Variants in LIN7A observed in about 807,000 individuals in gnomAD.
LIN7A encodes protein lin-7 homolog A.
Under a neutral mutation model 29.8 loss-of-function variants are expected in LIN7A, and 25 were observed. The ratio of observed to expected loss-of-function variants is 0.84; its 90% CI spans 0.61 to 1.17. The LOEUF is 1.17. LIN7A is among the 50% of genes most tolerant of loss of function. The pLI is 0.00. For missense variants in LIN7A, 239 were observed against 287.0 expected (o/e 0.83, Z 1.21); for synonymous variants, 118 against 107.5 (o/e 1.10, Z -0.60).
intron 2 of LIN7A, among the ~76,000 whole-genome samples, chr12:80,851,660 A>G (rs1393295103): frequency 6.6e-6 from 1 of 152,188 alleles, no homozygotes; most frequent in Non-Finnish European, 1.5e-5. Flanking sequence ...AAGGGAAAAC[A>G]GAAAATAGTT....
At chr12:80,817,898 G>A (rs1871607617) in intron 4 of LIN7A, among the ~76,000 whole-genome samples, 1 of 152,024 alleles carries the variant, frequency 6.6e-6, no homozygotes. Flanking sequence ...TGTCATTTTT[G>A]TGTGATGCAA....
chr12:80,848,088 A>G, intron 3 of LIN7A, 163 bp downstream of exon 3: 1 of 697,268 alleles, frequency 1.4e-6, no homozygotes, highest in Non-Finnish European at 2.6e-6. Flanking sequence ...ATTTTCCATT[A>G]GGATTTTTAC....
chr12:80,886,157 C>A (rs1489641375), intron 2 of LIN7A, among the ~76,000 whole-genome samples: 1 of 151,684 alleles, frequency 6.6e-6, no homozygotes, highest in Non-Finnish European at 1.5e-5. Flanking sequence ...ACTCAGATAA[C>A]CACAAAGATT....
intron 2 of LIN7A, among the ~76,000 whole-genome samples, chr12:80,860,163 A>C (rs1207192141): frequency 1.3e-5 from 2 of 152,214 alleles, no homozygotes; most frequent in Non-Finnish European, 2.9e-5. Context: ...CTGAGTCAAA[A>C]GTATATGCAT....
intron 4 of LIN7A, among the ~76,000 whole-genome samples, chr12:80,844,652 T>C (rs1357760468): frequency 6.6e-6 from 1 of 152,128 alleles, no homozygotes; most frequent in Non-Finnish European, 1.5e-5. Flanking sequence ...CTGAAATGTA[T>C]GCTTTTAGGT....
intron 1 of LIN7A, among the ~76,000 whole-genome samples, chr12:80,927,155 CTTTTTTTTT>C (rs929026269): frequency 1.3e-5 from 1 of 75,532 alleles, no homozygotes; most frequent in Non-Finnish European, 2.3e-5. Flanking sequence ...TTTTCTTTTT[CTTTTTTTTT>C]TTTTTTTTTT....
rs895281211 is a variant in LIN7A at position 80,937,653 on chromosome 12, T to G, written c.70A>C (p.Thr24Pro). Residue 24 changes from threonine (T) to proline (P), a missense_variant, in exon 1 of 6, where the codon ACC becomes CCC. Coordinates refer to ENST00000552864, the MANE Select transcript of LIN7A (RefSeq NM_004664.4). ...MATLTVVQPLTLDRDVARAIE... is the reference protein window; with the variant it reads ...MATLTVVQPLPLDRDVARAIE... ...GCCGCTCCCTTACCTCTGTCCAGGG[T>G]GAGCGGCTGGACCACTGTCAATGTC... is the stretch of plus-strand genomic sequence containing the variant. 26 of 1,562,028 alleles carry G rather than the reference T, an allele frequency of 1.7e-5. No homozygotes were observed. The highest frequency in any genetic ancestry group is 2.1e-5 in the Non-Finnish European group (24 of 1,151,166).
intron 2 of LIN7A, among the ~76,000 whole-genome samples, chr12:80,860,031 A>T (rs970671762): frequency 6.6e-6 from 1 of 152,214 alleles, no homozygotes; most frequent in Admixed American, 6.5e-5. Context: ...TAATTCATTT[A>T]ATCAATCCTC....
At chr12:80,806,425 A>C (rs1870991943) in intron 5 of LIN7A, among the ~76,000 whole-genome samples, 1 of 152,194 alleles carries the variant, frequency 6.6e-6, no homozygotes, top group African/African-American at 2.4e-5. Flanking sequence ...ATTAAAAGTA[A>C]GCATAAGAGA....
chr12:80,858,827 T>C (rs758860803), intron 2 of LIN7A, among the ~76,000 whole-genome samples: 2 of 152,164 alleles, frequency 1.3e-5, no homozygotes, highest in Non-Finnish European at 2.9e-5. Flanking sequence ...AATTTACTAG[T>C]GTACTTAAAA....
intron 4 of LIN7A, chr12:80,841,833 G>A: frequency 1.1e-6 from 1 of 937,392 alleles, no homozygotes; most frequent in Non-Finnish European, 1.3e-6. Context: ...GAGCATAAAA[G>A]GGTGAAAAGG....
At chr12:80,820,591 G>C (rs1054865174) in intron 4 of LIN7A, among the ~76,000 whole-genome samples, 1 of 150,660 alleles carries the variant, frequency 6.6e-6, no homozygotes, top group African/African-American at 2.4e-5. Context: ...GCACCAAAAG[G>C]GGGGAAAAGT....
chr12:80,887,562 C>T (rs1343185384), intron 2 of LIN7A, among the ~76,000 whole-genome samples: 2 of 152,098 alleles, frequency 1.3e-5, no homozygotes, highest in African/African-American at 2.4e-5. Context: ...CTGCCTGGAA[C>T]ACTATGACCC....
chr12:80,819,773 A>G (rs1355898026), intron 4 of LIN7A, among the ~76,000 whole-genome samples: 2 of 152,318 alleles, frequency 1.3e-5, no homozygotes, highest in South Asian at 2.1e-4. Context: ...TTTAACATAC[A>G]TAAAGCACTT....
intron 1 of LIN7A, among the ~76,000 whole-genome samples, chr12:80,908,396 G>A (rs1194000057): frequency 6.6e-6 from 1 of 151,918 alleles, no homozygotes; most frequent in Non-Finnish European, 1.5e-5. Flanking sequence ...TGATCCAGGG[G>A]AAAGAGTCAT....
intron 1 of LIN7A, among the ~76,000 whole-genome samples, chr12:80,898,977 TTCTTTC>T (rs1360252821): frequency 7.2e-5 from 11 of 152,226 alleles, no homozygotes. Context: ...TGCCTTTTCT[TTCTTTC>T]TCTTTCCTCA....
intron 2 of LIN7A, among the ~76,000 whole-genome samples, chr12:80,863,104 A>G (rs1873957285): frequency 6.6e-6 from 1 of 152,264 alleles, no homozygotes. Flanking sequence ...TCTGATTTGT[A>G]GCCTAAGATG....
At chr12:80,801,936 GC>G (rs1870742124) in intron 5 of LIN7A, among the ~76,000 whole-genome samples, 1 of 143,586 alleles carries the variant, frequency 7.0e-6, no homozygotes. Context: ...TTCCTCCGTT[GC>G]CCAAGCTGGA....
chr12:80,882,579 C>T (rs569415579), intron 2 of LIN7A, among the ~76,000 whole-genome samples: 95 of 152,062 alleles, frequency 6.2e-4, no homozygotes, highest in African/African-American at 2.2e-3. Context: ...CCACCGCGCC[C>T]GGCCTTTTCT....
Sources: gnomAD v4.1 joint callset for allele counts (sites outside exome capture counted in the v4.1 genomes callset) on GRCh38, gnomAD v4.1.1 for gene constraint, MANE v1.5 for transcripts, NCBI Gene and HGNC (gene_info 2026-07-23, HGNC 2026-07-21) for gene names.